STXBP5L: variants seen among roughly 807,000 people sequenced by gnomAD.
STXBP5L encodes syntaxin binding protein 5L, also known as syntaxin-binding protein 5-like.
A neutral mutation model predicts 144.5 loss-of-function variants in STXBP5L; 65 were observed. The observed-to-expected ratio is 0.45, with a 90% CI of 0.37 to 0.55. STXBP5L has a LOEUF of 0.55. Among genes scored for constraint, STXBP5L ranks in the 20% least tolerant of loss-of-function variants. The pLI is 0.00. For missense variants in STXBP5L, 1,298 were observed against 1,405.5 expected (o/e 0.92, Z 1.22); for synonymous variants, 505 against 469.6 (o/e 1.08, Z -0.97).
intron 22 of STXBP5L, among the ~76,000 whole-genome samples, chr3:121,388,990 G>T (rs577756575): frequency 6.6e-6 from 1 of 152,148 alleles, no homozygotes; most frequent in Non-Finnish European, 1.5e-5. Flanking sequence ...TGTGCCTCTG[G>T]TAGAATACAG....
At chr3:121,065,601 C>T (rs1377340345) in intron 5 of STXBP5L, among the ~76,000 whole-genome samples, 3 of 152,102 alleles carry the variant, frequency 2.0e-5, no homozygotes, top group Non-Finnish European at 2.9e-5. Context: ...AGAGATAGAG[C>T]CTCACTATGT....
intron 25 of STXBP5L, among the ~76,000 whole-genome samples, chr3:121,416,260 T>A (rs949617648): frequency 1.2e-4 from 18 of 151,872 alleles, no homozygotes; most frequent in Non-Finnish European, 1.5e-5. Flanking sequence ...AAGTAGATCA[T>A]ACCTGCATGG....
chr3:121,072,119 A>C (rs1263532343), intron 5 of STXBP5L, among the ~76,000 whole-genome samples: 8 of 152,192 alleles, frequency 5.3e-5, no homozygotes, highest in Admixed American at 2.6e-4. Context: ...TCTGTTCCTA[A>C]AGTTAAAGGC....
At chr3:120,943,598 T>C (rs527641705) in intron 2 of STXBP5L, among the ~76,000 whole-genome samples, 2 of 151,872 alleles carry the variant, frequency 1.3e-5, no homozygotes, top group East Asian at 3.9e-4. Context: ...GATTTATCAG[T>C]ATCTTATTTA....
chr3:121,029,161 C>T (rs1946180051), intron 3 of STXBP5L, among the ~76,000 whole-genome samples: 1 of 152,132 alleles, frequency 6.6e-6, no homozygotes, highest in Admixed American at 6.6e-5. Flanking sequence ...ACTTTCTTCA[C>T]AGAATTAGAA....
At chr3:120,987,901 G>A (rs1942455369) in intron 3 of STXBP5L, among the ~76,000 whole-genome samples, 1 of 151,744 alleles carries the variant, frequency 6.6e-6, no homozygotes, top group Admixed American at 6.6e-5. Context: ...ATGTTTGGTA[G>A]AATTCTCTGG....
chr3:121,157,789 C>G, intron 9 of STXBP5L, 162 bp downstream of exon 9: 1 of 899,700 alleles, frequency 1.1e-6, no homozygotes. Flanking sequence ...ACATTGTACC[C>G]CAAACTTTCC....
chr3:121,332,339 A>AT (rs1276390717), intron 20 of STXBP5L, among the ~76,000 whole-genome samples: 3 of 151,100 alleles, frequency 2.0e-5, no homozygotes, highest in Admixed American at 2.0e-4. Flanking sequence ...GAAAACTAAC[A>AT]TGAAAAAAAA....
chr3:121,207,298 G>GTTTCTAC (rs748055985), intron 10 of STXBP5L, among the ~76,000 whole-genome samples: 14,978 of 151,996 alleles, frequency 0.099, 1,143 homozygotes, highest in Admixed American at 0.2. Context: ...CCTGAAACTG[G>GTTTCTAC]ATCCCTTACT....
At chr3:121,263,475 C>T (rs962651674) in intron 18 of STXBP5L, among the ~76,000 whole-genome samples, 9 of 152,078 alleles carry the variant, frequency 5.9e-5, no homozygotes, top group Non-Finnish European at 7.4e-5. Flanking sequence ...ATGAGTTTGA[C>T]GAATTGACAG....
intron 7 of STXBP5L, among the ~76,000 whole-genome samples, chr3:121,131,065 G>A (rs2044966657): frequency 6.6e-6 from 1 of 152,170 alleles, no homozygotes; most frequent in Non-Finnish European, 1.5e-5. Flanking sequence ...AGTTCTGATT[G>A]TAAGCTATGT....
At chr3:121,077,191 G>A (rs982915363) in intron 5 of STXBP5L, among the ~76,000 whole-genome samples, 3 of 152,140 alleles carry the variant, frequency 2.0e-5, no homozygotes, top group Admixed American at 6.5e-5. Context: ...AGTTTCATCC[G>A]AATCAGCACC....
At position 121,136,180 on chromosome 3, in the gene STXBP5L, C is replaced by A. The variant is rs190412623; in HGVS notation, c.669+14476C>A. Among the ~76,000 whole-genome samples the A allele has an allele frequency of 1.6e-3, 251 of 152,164 alleles. 1 individual carries two copies. The highest frequency in any genetic ancestry group is 2.2e-3 in the Admixed American group (34 of 15,294). The stretch of plus-strand genomic sequence containing the variant: ...ACTCATGTCTCCCTTTTTCCAACAC[C>A]AGGCAGCACAGCACAGAGAGAAAAA... On this transcript the variant is annotated intron_variant, in intron 7 of 26. Coordinates refer to ENST00000471454, the MANE Select transcript of STXBP5L (RefSeq NM_001308330.2).
intron 9 of STXBP5L, among the ~76,000 whole-genome samples, chr3:121,174,032 T>C (rs2108073746): frequency 6.6e-6 from 1 of 152,302 alleles, no homozygotes; most frequent in South Asian, 2.1e-4. Context: ...CATACTGAGA[T>C]GACTAGGGTC....
chr3:120,986,709 C>G (rs1576579686), intron 3 of STXBP5L, among the ~76,000 whole-genome samples: 1 of 151,204 alleles, frequency 6.6e-6, no homozygotes, highest in South Asian at 2.1e-4. Context: ...TGGAGAAAGT[C>G]AAGAAAATGA....
intron 5 of STXBP5L, among the ~76,000 whole-genome samples, chr3:121,073,763 A>T (rs1436475095): frequency 2.0e-5 from 3 of 152,110 alleles, no homozygotes; most frequent in Admixed American, 2.0e-4. Flanking sequence ...GCCAAAAGCG[A>T]GTAATTTGGA....
At chr3:121,073,657 GATGTCTTTGA>G (rs2041900380) in intron 5 of STXBP5L, among the ~76,000 whole-genome samples, 2 of 152,170 alleles carry the variant, frequency 1.3e-5, no homozygotes, top group African/African-American at 4.8e-5. Flanking sequence ...AAGCCTTCTT[GATGTCTTTGA>G]AGGCCATGTC....
chr3:120,992,230 T>C (rs1439798924), intron 3 of STXBP5L, among the ~76,000 whole-genome samples: 1 of 152,174 alleles, frequency 6.6e-6, no homozygotes, highest in Non-Finnish European at 1.5e-5. Flanking sequence ...ATGAATACAA[T>C]GTGTAGTGAT....
At chr3:121,208,397 G>A (rs1279476453) in intron 10 of STXBP5L, among the ~76,000 whole-genome samples, 3 of 151,976 alleles carry the variant, frequency 2.0e-5, no homozygotes, top group African/African-American at 7.3e-5. Flanking sequence ...AGGAGTTAAT[G>A]GGTGCAGCAC....
Sources: gnomAD v4.1 joint callset for allele counts (sites outside exome capture counted in the v4.1 genomes callset) on GRCh38, gnomAD v4.1.1 for gene constraint, MANE v1.5 for transcripts, NCBI Gene and HGNC (gene_info 2026-07-23, HGNC 2026-07-21) for gene names.